Variants in RUNDC3A observed in about 807,000 individuals in gnomAD.
RUNDC3A encodes RUN domain-containing protein 3A.
Under a neutral mutation model 53.9 loss-of-function variants are expected in RUNDC3A, and 28 were observed. That is an observed-to-expected ratio of 0.52 (90% confidence interval 0.38 to 0.71). The LOEUF is 0.71. RUNDC3A is among the 30% of genes least tolerant of loss of function. RUNDC3A has a pLI of 0.00. For missense variants in RUNDC3A, 491 were observed against 597.3 expected, an observed-to-expected ratio of 0.82 and a Z score of 1.85; for synonymous variants, 232 against 249.4, an observed-to-expected ratio of 0.93 and a Z score of 0.66.
intron 2 of RUNDC3A, 29 bp downstream of exon 2, chr17:44,312,724 C>T: frequency 2.0e-6 from 2 of 1,002,354 alleles, no homozygotes; most frequent in Non-Finnish European, 2.7e-6. Flanking sequence ...CCCCAGCGGT[C>T]CCTCCCCCAG....
At position 44,316,460 on chromosome 17, in the gene RUNDC3A, A is replaced by G; in HGVS notation, c.1029A>G (p.Gln343=). Residue 343 remains glutamine (Q), a synonymous_variant, in exon 9 of 11, where the codon CAA becomes CAG. Coordinates refer to ENST00000426726, the MANE Select transcript of RUNDC3A (RefSeq NM_001144825.2). ...SKELTTPLVN[Q]WPSLGTLNGA... Reference sequence around the variant, plus strand: ...AGCTCACTACACCCCTGGTCAATCAATGGCCCTCACTGGGAACGCTTAATG... The same window carrying G: ...AGCTCACTACACCCCTGGTCAATCAGTGGCCCTCACTGGGAACGCTTAATG... The G allele has an allele frequency of 1.2e-6, 2 of 1,613,588 alleles. No homozygotes were observed. The highest frequency in any genetic ancestry group is 1.7e-6 in the Non-Finnish European group (2 of 1,179,818).
Position 44,315,454 on chromosome 17 carries a change from C to A in RUNDC3A, c.798C>A (p.Gly266=), listed in dbSNP as rs1468807275. The change falls in exon 8 of 11, where the codon GGC becomes GGA. Residue 266 remains glycine, a splice_region_variant and synonymous_variant. Transcript: ENST00000426726. The surrounding 1 kb of genome is among the most constrained non-coding windows in gnomAD (Gnocchi z 6.1). ...CGGGCTGAGCCGGCGCCCCGCAGGG[C>A]TACCTGGAGGAGCTGGTGCGTCTGC... is the stretch of plus-strand genomic sequence containing the variant. ...QKFRIVYAQK[G]YLEELVRLRE... 2.0e-6 allele frequency: 3 copies of A among 1,476,788 alleles called. No individual in the cohort carries two copies. The highest frequency in any genetic ancestry group is 1.8e-6 in the Non-Finnish European group (2 of 1,114,216). 91.5% of individuals were successfully genotyped at this position (1,476,788 alleles called of 1,614,324 possible).
chr17:44,313,791 C>T (rs1297598638), intron 4 of RUNDC3A: 45 of 889,526 alleles, frequency 5.1e-5, no homozygotes, highest in Non-Finnish European at 6.4e-5. Flanking sequence ...AAGCGATTCT[C>T]CTGCCTCAGC....
At chr17:44,310,278 G>T (rs1461679557) in intron 1 of RUNDC3A, among the ~76,000 whole-genome samples, 1 of 152,228 alleles carries the variant, frequency 6.6e-6, no homozygotes, top group Non-Finnish European at 1.5e-5. Flanking sequence ...CCACACCAAA[G>T]AATGAAAATG....
At chr17:44,310,562 A>G (rs2047730346) in intron 1 of RUNDC3A, 1 of 271,144 alleles carries the variant, frequency 3.7e-6, no homozygotes, top group Admixed American at 6.5e-5. Flanking sequence ...AAGGCTCAGT[A>G]ACCCCCAGGC....
chr17:44,317,520 G>T (rs750940689), intron 10 of RUNDC3A: 5 of 780,750 alleles, frequency 6.4e-6, no homozygotes, highest in Non-Finnish European at 1.2e-5. Flanking sequence ...CCCTTCGAGC[G>T]AATGCCCAGG....
In RUNDC3A at chr17:44,312,574, G is replaced by A. The variant is rs368595898; in HGVS notation, c.108-6G>A. The A allele has an allele frequency of 3.3e-5, 51 of 1,543,516 alleles. No individual in the cohort carries two copies. Among genetic ancestry groups the A allele is most frequent in the South Asian group, 4.8e-5 (4 of 83,932 alleles). On this transcript the variant is annotated splice_polypyrimidine_tract_variant and splice_region_variant and intron_variant, in intron 1 of 10. Coordinates refer to ENST00000426726, the MANE Select transcript of RUNDC3A (RefSeq NM_001144825.2). The stretch of plus-strand genomic sequence containing the variant: ...CACTGCCCCATCTCCCCACCTCGCC[G>A]CCCAGGTTCTCTGTGAAAACGCTGC...
chr17:44,309,159 G>A (rs1162697172), intron 1 of RUNDC3A, among the ~76,000 whole-genome samples: 2 of 152,098 alleles, frequency 1.3e-5, no homozygotes, highest in African/African-American at 4.8e-5. Context: ...GCCTGGGCCT[G>A]GGGGGTGAGG....
chr17:44,318,607 G>T lies in RUNDC3A; in HGVS notation c.*369G>T. 4.6e-6 allele frequency: 1 copy of T among 219,636 alleles called. No homozygotes were observed. Among genetic ancestry groups the T allele is most frequent in the Non-Finnish European group, 9.2e-6 (1 of 108,806 alleles). 13.6% of individuals were successfully genotyped at this position (219,636 alleles called of 1,614,324 possible). On this transcript the variant is annotated 3_prime_UTR_variant, in exon 11 of 11. Transcript: ENST00000426726. Reference sequence around the variant, plus strand: ...TAGCCTCTCCATCTGTCTGTGTATGGCCTGGAGTCACTCCTTCCTCAGCCC... The same window carrying T: ...TAGCCTCTCCATCTGTCTGTGTATGTCCTGGAGTCACTCCTTCCTCAGCCC...
rs775621685 is a variant in RUNDC3A, at chr17:44,312,625, C to T, written c.153C>T (p.Ile51=). Residue 51 remains isoleucine (I), a synonymous_variant, in exon 2 of 11, where the codon ATC becomes ATT. Coordinates refer to ENST00000426726, the MANE Select transcript of RUNDC3A (RefSeq NM_001144825.2). ...TLLEKYTAEP[I]DDSSEEFVNF... ...TGGAGAAGTACACAGCGGAGCCCAT[C>T]GATGACTCATCGGAGGAGTTTGTCA... 7 of 1,585,542 alleles carry T rather than the reference C, an allele frequency of 4.4e-6. No homozygotes were observed. The highest frequency in any genetic ancestry group is 2.3e-5 in the East Asian group (1 of 43,546).
chr17:44,315,033 G>A lies in RUNDC3A; in HGVS notation c.629+24G>A, dbSNP rs1475340178. 7 of 1,613,170 alleles carry A rather than the reference G, an allele frequency of 4.3e-6. No individual in the cohort carries two copies. The Admixed American group carries it at 5.0e-5, about 12-fold the overall frequency. ...AGGTGAGCGGCTCCATGACTGCGGCGGGGCGGGGGACGGGGCCTCGGGACA... is the reference window on the plus strand; with the variant it reads ...AGGTGAGCGGCTCCATGACTGCGGCAGGGCGGGGGACGGGGCCTCGGGACA... On this transcript the variant is annotated intron_variant, in intron 6 of 10. Coordinates refer to ENST00000426726, the MANE Select transcript of RUNDC3A (RefSeq NM_001144825.2). The surrounding 1 kb of genome is among the most constrained non-coding windows in gnomAD (Gnocchi z 6.1).
intron 3 of RUNDC3A, 67 bp from the exon 4 acceptor site, chr17:44,313,351 G>A: frequency 6.2e-7 from 1 of 1,609,140 alleles, no homozygotes; most frequent in Non-Finnish European, 8.5e-7. Context: ...GGGGAGAAGG[G>A]CCCACACCTG....
chr17:44,314,112 G>C, intron 4 of RUNDC3A: 1 of 991,812 alleles, frequency 1.0e-6, no homozygotes, highest in Non-Finnish European at 1.2e-6. Flanking sequence ...GTGTTGGCTT[G>C]CTCCATGATC....
At chr17:44,310,945 C>T (rs898833294) in intron 1 of RUNDC3A, 2 of 985,466 alleles carry the variant, frequency 2.0e-6, no homozygotes, top group African/African-American at 1.7e-5. Context: ...CCTCACCATC[C>T]CTGCCCAGCG....
In RUNDC3A at chr17:44,308,742, C is replaced by A; in HGVS notation, c.-91C>A. On this transcript the variant is annotated 5_prime_UTR_variant, in exon 1 of 11. Transcript: ENST00000426726. ...GGAAGGGTTGAGGGGCCCCGTCGGA[C>A]AGAGGGCCCAGCCGTGATCCAGCGA... 1 of 818,024 alleles carries A rather than the reference C, an allele frequency of 1.2e-6. No individual in the cohort carries two copies. The highest frequency in any genetic ancestry group is 1.8e-6 in the Non-Finnish European group (1 of 544,848). The allele number at this position is 818,024 out of a possible 1,614,324, so 50.7% of individuals were successfully genotyped here. A position where few individuals can be genotyped will look rare whatever the true frequency, so the allele number is the denominator to read the frequency against.
In RUNDC3A at chr17:44,318,318, T is replaced by C. The variant is rs1032808468; in HGVS notation, c.*80T>C. 1.3e-5 allele frequency: 19 copies of C among 1,433,430 alleles called. No homozygotes were observed. The highest frequency in any genetic ancestry group is 2.4e-4 in the Middle Eastern group (1 of 4,124). The allele number at this position is 1,433,430 out of a possible 1,614,324, so 88.8% of individuals were successfully genotyped here. A position where few individuals can be genotyped will look rare whatever the true frequency, so the allele number is the denominator to read the frequency against. On this transcript the variant is annotated 3_prime_UTR_variant, in exon 11 of 11. Coordinates refer to ENST00000426726, the MANE Select transcript of RUNDC3A (RefSeq NM_001144825.2). ...CCTTTCTTCAACAAGAGTCCCCCAA[T>C]CCAGGCTACCCTTCCAGAGAACGCT...
At chr17:44,309,225 G>C (rs2047702546) in intron 1 of RUNDC3A, among the ~76,000 whole-genome samples, 1 of 152,116 alleles carries the variant, frequency 6.6e-6, no homozygotes, top group African/African-American at 2.4e-5. Context: ...CACTGTGTGA[G>C]GGGGAAGGGG....
intron 4 of RUNDC3A, chr17:44,314,074 G>A: frequency 2.0e-6 from 2 of 993,264 alleles, no homozygotes; most frequent in Non-Finnish European, 2.4e-6. Context: ...CACACCTCTG[G>A]ATGAGCCTCA....
intron 10 of RUNDC3A, chr17:44,317,551 T>A: frequency 1.3e-6 from 1 of 780,882 alleles, no homozygotes; most frequent in Non-Finnish European, 2.4e-6. Context: ...ATGCACTTTG[T>A]GTTGACCTCA....
Sources: gnomAD v4.1 joint callset for allele counts (sites outside exome capture counted in the v4.1 genomes callset) on GRCh38, gnomAD v4.1.1 for gene constraint, Gnocchi (gnomAD v3.1) non-coding constraint, MANE v1.5 for transcripts, NCBI Gene and HGNC (gene_info 2026-07-23, HGNC 2026-07-21) for gene names.